Variants in TTBK2 observed in about 807,000 individuals in gnomAD.
TTBK2 encodes tau tubulin kinase 2, also known as tau-tubulin kinase 2.
TTBK2 carries 28 observed loss-of-function variants against 110.8 expected under a neutral mutation model. The observed-to-expected ratio is 0.25, with a 90% CI of 0.19 to 0.35. The LOEUF is 0.35. Ranked by LOEUF, TTBK2 falls within the 10% of genes least tolerant of loss-of-function variation. The probability of loss-of-function intolerance (pLI) is 1.00; values close to 1 mark genes in which losing one functional copy is unlikely to be tolerated. For missense variants in TTBK2, 1,369 were observed against 1,500.3 expected (o/e 0.91, Z 1.45); for synonymous variants, 532 against 527.3 (o/e 1.01, Z -0.12).
At chr15:42,747,165 G>C (rs1456970858) in intron 14 of TTBK2, among the ~76,000 whole-genome samples, 1 of 151,670 alleles carries the variant, frequency 6.6e-6, no homozygotes, top group Non-Finnish European at 1.5e-5. Context: ...AGACGGTTTT[G>C]CCACATTGCC....
At chr15:42,872,477 T>C (rs773457506) in intron 3 of TTBK2, 134 bp downstream of exon 3, 289 of 1,000,298 alleles carry the variant, frequency 2.9e-4, no homozygotes, top group Non-Finnish European at 3.7e-4. Flanking sequence ...AGAAAAATGC[T>C]CAGCGTATTT....
intron 9 of TTBK2, among the ~76,000 whole-genome samples, chr15:42,806,334 T>A (rs915989991): frequency 3.3e-5 from 5 of 152,236 alleles, no homozygotes; most frequent in Non-Finnish European, 7.3e-5. Context: ...GCTCAGCTTA[T>A]CTCAGTACCT....
At chr15:42,829,421 A>G (rs1192889109) in intron 5 of TTBK2, among the ~76,000 whole-genome samples, 1 of 152,248 alleles carries the variant, frequency 6.6e-6, no homozygotes, top group Non-Finnish European at 1.5e-5. Context: ...AAAGCAACAT[A>G]TATAGTTTCT....
chr15:42,827,873 A>G (rs1892596279), intron 6 of TTBK2, 55 bp downstream of exon 6: 1 of 1,401,188 alleles, frequency 7.1e-7, no homozygotes, highest in African/African-American at 1.4e-5. Flanking sequence ...AAAGTGTGAT[A>G]CTATAAATAC....
intron 10 of TTBK2, among the ~76,000 whole-genome samples, chr15:42,788,694 T>C (rs934173400): frequency 3.3e-5 from 5 of 152,244 alleles, no homozygotes; most frequent in South Asian, 4.1e-4. Context: ...TCATCTGTTA[T>C]TAGGATCACT....
chr15:42,866,975 T>G (rs1417454118), intron 3 of TTBK2, among the ~76,000 whole-genome samples: 1 of 152,196 alleles, frequency 6.6e-6, no homozygotes, highest in Non-Finnish European at 1.5e-5. Context: ...CCGGGCGCAG[T>G]GGCTCACGCC....
In TTBK2 at chr15:42,910,351, C is replaced by T. The variant is rs1302311148; in HGVS notation, c.-68+10087G>A. ...CAGTAAAGAAACAACCTTAGAAGCA[C>T]GCACACAATTTACGTCCTCCTAATA... On this transcript the variant is annotated intron_variant, in intron 1 of 14. Coordinates refer to ENST00000267890, the MANE Select transcript of TTBK2 (RefSeq NM_173500.4). Among the ~76,000 whole-genome samples the T allele has an allele frequency of 5.3e-5, 8 of 152,006 alleles. No individual in the cohort carries two copies. The East Asian group carries it at 7.7e-4, about 15-fold the overall frequency.
intron 10 of TTBK2, 146 bp downstream of exon 10, chr15:42,794,498 A>G: frequency 1.8e-6 from 2 of 1,110,798 alleles, no homozygotes; most frequent in South Asian, 1.3e-5. Flanking sequence ...AAAGGCGTAC[A>G]TAAGAGCAAT....
chr15:42,786,560 C>T (rs1227875760), intron 10 of TTBK2, among the ~76,000 whole-genome samples: 2 of 152,140 alleles, frequency 1.3e-5, no homozygotes, highest in Non-Finnish European at 2.9e-5. Context: ...TTTTTTCCAA[C>T]TACCTCAATT....
intron 10 of TTBK2, among the ~76,000 whole-genome samples, chr15:42,786,104 C>T (rs1025903614): frequency 2.8e-5 from 4 of 142,596 alleles, no homozygotes; most frequent in Non-Finnish European, 6.1e-5. Flanking sequence ...TAGAAAAGCA[C>T]TGATAATGGC....
chr15:42,917,014 T>C (rs1348415547), intron 1 of TTBK2, among the ~76,000 whole-genome samples: 1 of 152,124 alleles, frequency 6.6e-6, no homozygotes, highest in Admixed American at 6.5e-5. Flanking sequence ...TCTGAAAACA[T>C]GGTTAAATCT....
chr15:42,787,790 T>A (rs1322914878), intron 10 of TTBK2, among the ~76,000 whole-genome samples: 1 of 152,220 alleles, frequency 6.6e-6, no homozygotes, highest in Non-Finnish European at 1.5e-5. Context: ...TAACTTTTAG[T>A]TTTTATTTTC....
intron 12 of TTBK2, 133 bp downstream of exon 12, chr15:42,776,896 CAG>C (rs1889948775): frequency 2.4e-6 from 2 of 823,470 alleles, no homozygotes; most frequent in Non-Finnish European, 3.9e-6. Context: ...TGAATAGACT[CAG>C]TGTTACAAAA....
At chr15:42,802,084 C>A in intron 9 of TTBK2, 1 of 1,460,820 alleles carries the variant, frequency 6.8e-7, no homozygotes, top group South Asian at 1.1e-5. Context: ...CTCCAGGAAC[C>A]GTACCTTGTC....
Position 42,828,009 on chromosome 15 carries a change from A to T in TTBK2, c.456T>A (p.Phe152Leu). ...IKPSNFAMGRFPSTCRKCYML... is the reference protein window; with the variant it reads ...IKPSNFAMGRLPSTCRKCYML... ...TGTAACATTTCCTACATGTACTAGGAAAGCGACCCATAGCGAAGTTCGACT... is the reference window on the plus strand; with the variant it reads ...TGTAACATTTCCTACATGTACTAGGTAAGCGACCCATAGCGAAGTTCGACT... The change falls in exon 6 of 15, where the codon TTT becomes TTA. Residue 152 changes from phenylalanine (F) to leucine (L), a missense_variant. Physicochemically the swap from Phe to Leu is conservative, Grantham distance 22. Around this residue, in one of 4 missense-constraint regions of TTBK2, gnomAD observed 12 missense variants for 47.0 expected, o/e 0.26. Coordinates refer to ENST00000267890, the MANE Select transcript of TTBK2 (RefSeq NM_173500.4). 1 of 1,613,566 alleles carries T rather than the reference A, an allele frequency of 6.2e-7. No individual in the cohort carries two copies. Among genetic ancestry groups the T allele is most frequent in the Non-Finnish European group, 8.5e-7 (1 of 1,179,748 alleles).
intron 2 of TTBK2, 125 bp from the exon 3 acceptor site, chr15:42,872,883 A>T: frequency 3.3e-6 from 4 of 1,206,362 alleles, no homozygotes; most frequent in Non-Finnish European, 4.5e-6. Context: ...ATATTTAAAT[A>T]TTGTTAAATT....
intron 1 of TTBK2, among the ~76,000 whole-genome samples, chr15:42,918,707 C>T (rs8031767): frequency 0.86 from 130,887 of 152,184 alleles, 56,393 homozygotes; most frequent in South Asian, 0.91. Flanking sequence ...TTTAAAGATA[C>T]TTGAAGCCCC....
intron 3 of TTBK2, among the ~76,000 whole-genome samples, chr15:42,855,836 C>T (rs1206706426): frequency 6.6e-6 from 1 of 152,182 alleles, no homozygotes; most frequent in African/African-American, 2.4e-5. Flanking sequence ...AGGCGCCCGC[C>T]ACCTCGCCCG....
At chr15:42,841,748 G>C (rs1595973262) in intron 3 of TTBK2, among the ~76,000 whole-genome samples, 1 of 152,204 alleles carries the variant, frequency 6.6e-6, no homozygotes, top group East Asian at 1.9e-4. Context: ...GATAAAATAA[G>C]ATAAATCTGA....
Sources: allele counts gnomAD v4.1 joint callset (sites outside exome capture counted in the v4.1 genomes callset), GRCh38; gene constraint gnomAD v4.1.1; regional missense constraint gnomAD v4.1.1; transcripts MANE v1.5; gene names NCBI Gene and HGNC (gene_info 2026-07-23, HGNC 2026-07-21).